Variants in DNAH8 observed in about 807,000 individuals in gnomAD.
DNAH8 encodes axonemal beta dynein heavy chain 8.
A neutral mutation model predicts 562.1 loss-of-function variants in DNAH8; 382 were observed. That is an observed-to-expected ratio of 0.68 (90% CI 0.63 to 0.74). The LOEUF (loss-of-function observed/expected upper bound fraction) is 0.74, where lower values mean the gene tolerates loss of function less well. Among genes scored for constraint, DNAH8 ranks in the 30% least tolerant of loss-of-function variants. The pLI is 0.00. For missense variants in DNAH8, 5,203 were observed against 5,620.4 expected (o/e 0.93, Z 2.37); for synonymous variants, 1,881 against 1,919.4 (o/e 0.98, Z 0.52).
chr6:38,815,714 A>G lies in DNAH8; in HGVS notation c.3523+57A>G, dbSNP rs762836060. 10 of 1,402,236 alleles carry G rather than the reference A, an allele frequency of 7.1e-6. No individual in the cohort carries two copies. The East Asian group carries it at 1.5e-4, about 21-fold the overall frequency. The allele number at this position is 1,402,236 out of a possible 1,614,324, so 86.9% of individuals were successfully genotyped here. A position where few individuals can be genotyped will look rare whatever the true frequency, so the allele number is the denominator to read the frequency against. On this transcript the variant is annotated intron_variant, in intron 26 of 92. Coordinates refer to ENST00000327475, the MANE Select transcript of DNAH8 (RefSeq NM_001206927.2). ...TGATCCTTTTTGGATTTGATAGCAT[A>G]TAGATTTTTAAATTATTTTATATGT...
At chr6:38,931,536 A>C (rs1385414427) in intron 75 of DNAH8, among the ~76,000 whole-genome samples, 1 of 152,144 alleles carries the variant, frequency 6.6e-6, no homozygotes, top group Non-Finnish European at 1.5e-5. Context: ...AGATATGTCT[A>C]AGTTTTCCTT....
At chr6:39,013,338 A>G (rs1583568470) in intron 91 of DNAH8, among the ~76,000 whole-genome samples, 2 of 152,228 alleles carry the variant, frequency 1.3e-5, no homozygotes, top group East Asian at 3.8e-4. Flanking sequence ...TCCATTTGTA[A>G]TAAAATTTTA....
intron 79 of DNAH8, among the ~76,000 whole-genome samples, chr6:38,940,932 G>A (rs1217348842): frequency 3.8e-4 from 2 of 5,234 alleles, no homozygotes; most frequent in Non-Finnish European, 5.7e-4. Flanking sequence ...CCTGGTCACC[G>A]GTTTAGGTGA....
chr6:39,007,803 C>T (rs1765890536), intron 88 of DNAH8, among the ~76,000 whole-genome samples: 1 of 152,066 alleles, frequency 6.6e-6, no homozygotes, highest in Admixed American at 6.5e-5. Context: ...CACCCCACCC[C>T]ACTGCGTGGC....
intron 39 of DNAH8, among the ~76,000 whole-genome samples, chr6:38,852,350 G>GTCTA (rs1028149806): frequency 6.6e-6 from 1 of 152,048 alleles, no homozygotes; most frequent in Admixed American, 6.6e-5. Context: ...AAAGGTGGAG[G>GTCTA]TAGAGCTAGG....
intron 29 of DNAH8, among the ~76,000 whole-genome samples, chr6:38,827,022 G>T (rs1162998883): frequency 6.6e-6 from 1 of 152,132 alleles, no homozygotes; most frequent in Admixed American, 6.5e-5. Context: ...GGGCCATGTT[G>T]CTCCTGGAGG....
At chr6:38,905,246 T>G (rs1780365578) in intron 62 of DNAH8, among the ~76,000 whole-genome samples, 1 of 152,220 alleles carries the variant, frequency 6.6e-6, no homozygotes, top group Non-Finnish European at 1.5e-5. Context: ...TTAGTCCTTG[T>G]CATTAGCTTA....
chr6:38,867,920 G>T, intron 47 of DNAH8, 142 bp from the exon 48 acceptor site: 1 of 710,872 alleles, frequency 1.4e-6, no homozygotes. Context: ...GCAGGAAGTT[G>T]AGCTAATAAA....
intron 33 of DNAH8, among the ~76,000 whole-genome samples, chr6:38,841,941 C>A (rs961670808): frequency 1.3e-5 from 2 of 152,052 alleles, no homozygotes; most frequent in Non-Finnish European, 2.9e-5. Flanking sequence ...AAAGGCAGAT[C>A]AGGGCTTAGT....
intron 22 of DNAH8, among the ~76,000 whole-genome samples, chr6:38,804,877 C>T (rs1282191460): frequency 1.7e-5 from 2 of 120,956 alleles, no homozygotes; most frequent in Non-Finnish European, 3.2e-5. Flanking sequence ...GGTCTGGAGA[C>T]ATTTCAGTTG....
At chr6:39,026,470 C>T in intron 91 of DNAH8, 76 bp from the exon 92 acceptor site, 1 of 1,425,200 alleles carries the variant, frequency 7.0e-7, no homozygotes, top group Non-Finnish European at 9.6e-7. Context: ...AAGCAAGTAA[C>T]ACTTAACATT....
At chr6:38,902,352 T>G (rs887497953) in intron 62 of DNAH8, among the ~76,000 whole-genome samples, 1 of 152,100 alleles carries the variant, frequency 6.6e-6, no homozygotes, top group Non-Finnish European at 1.5e-5. Context: ...TGTGGTGGCA[T>G]CTCATGGTGG....
At position 38,770,438 on chromosome 6, in the gene DNAH8, A is replaced by T. The variant is rs774627328; in HGVS notation, c.1643A>T (p.Tyr548Phe). Residue 548 changes from tyrosine (Y) to phenylalanine (F), a missense_variant, in exon 12 of 93, where the codon TAT (tyrosine) becomes TTT (phenylalanine). Tyr to Phe is a conservative substitution (Grantham distance 22). Transcript: ENST00000327475. Reference sequence around the variant, plus strand: ...GACTGCATTTTTCTATTCAAGGAATATCAGGCATCTTTTCATAAAACAAGG... The same window carrying T: ...GACTGCATTTTTCTATTCAAGGAATTTCAGGCATCTTTTCATAAAACAAGG... ...IQDCIFLFKE[Y>F]QASFHKTRKL... The T allele has an allele frequency of 6.3e-7, 1 of 1,597,876 alleles. No homozygotes were observed. The highest frequency in any genetic ancestry group is 8.5e-7 in the Non-Finnish European group (1 of 1,170,032).
At chr6:38,923,237 A>G (rs140990390) in intron 72 of DNAH8, 52 bp downstream of exon 72, 830 of 1,600,256 alleles carry the variant, frequency 5.2e-4, no homozygotes, top group Non-Finnish European at 6.7e-4. Flanking sequence ...ACATTAGAGA[A>G]CATAAAGTCC....
At chr6:38,998,762 A>C (rs193118559) in intron 88 of DNAH8, among the ~76,000 whole-genome samples, 3 of 152,302 alleles carry the variant, frequency 2.0e-5, no homozygotes, top group East Asian at 3.9e-4. Flanking sequence ...GGGCAATCTG[A>C]GCTTCTTCCC....
chr6:38,820,868 A>G (rs374865467), intron 26 of DNAH8, among the ~76,000 whole-genome samples: 23 of 152,346 alleles, frequency 1.5e-4, no homozygotes, highest in African/African-American at 5.5e-4. Flanking sequence ...CTTCAACCTT[A>G]TAAAAGGCAT....
chr6:38,985,655 C>T (rs998464411), intron 87 of DNAH8, among the ~76,000 whole-genome samples: 4 of 152,182 alleles, frequency 2.6e-5, no homozygotes, highest in Non-Finnish European at 5.9e-5. Flanking sequence ...CTCAGGTAGA[C>T]ATATCTCAGA....
At chr6:38,914,850 G>A (rs1781183718) in intron 67 of DNAH8, among the ~76,000 whole-genome samples, 1 of 152,014 alleles carries the variant, frequency 6.6e-6, no homozygotes, top group Admixed American at 6.6e-5. Flanking sequence ...TTCTTTTATT[G>A]TTATTATACA....
chr6:38,752,074 G>C (rs7742625), intron 9 of DNAH8, among the ~76,000 whole-genome samples: 118,233 of 152,256 alleles, frequency 0.78, 46,623 homozygotes, highest in East Asian at 0.99. Flanking sequence ...CTAGCTATCT[G>C]TAGCATTATG....
Sources: allele counts gnomAD v4.1 joint callset (sites outside exome capture counted in the v4.1 genomes callset), GRCh38; gene constraint gnomAD v4.1.1; transcripts MANE v1.5; gene names NCBI Gene and HGNC (gene_info 2026-07-23, HGNC 2026-07-21).